The following RMND1 variants were observed in gnomAD, a reference collection of about 807,000 sequenced individuals.
RMND1 encodes the protein required for meiotic nuclear division protein 1 homolog.
A neutral mutation model predicts 54.0 loss-of-function variants in RMND1; 41 were observed. The observed-to-expected ratio is 0.76, with a 90% CI of 0.59 to 0.98. The LOEUF (loss-of-function observed/expected upper bound fraction) is 0.98. Ranked by LOEUF, RMND1 falls within the 50% of genes least tolerant of loss-of-function variation. The pLI, the probability that RMND1 is intolerant of heterozygous loss-of-function variation, is 0.00. For missense variants in RMND1, 457 were observed against 532.0 expected, an observed-to-expected ratio of 0.86 and a Z score of 1.39; for synonymous variants, 183 against 181.7, an observed-to-expected ratio of 1.01 and a Z score of -0.06.
intron 2 of RMND1, among the ~76,000 whole-genome samples, chr6:151,440,757 G>A (rs1780751577): frequency 6.6e-6 from 1 of 152,028 alleles, no homozygotes; most frequent in African/African-American, 2.4e-5. Context: ...TTTTGGTTTT[G>A]TTTTCTTTGC....
At chr6:151,436,001 A>T (rs1287451526) in intron 3 of RMND1, among the ~76,000 whole-genome samples, 1 of 151,540 alleles carries the variant, frequency 6.6e-6, no homozygotes, top group African/African-American at 2.4e-5. Flanking sequence ...GCTACTCCGG[A>T]GGCTGAGGCA....
chr6:151,412,260 C>T (rs1779866038), intron 10 of RMND1, among the ~76,000 whole-genome samples: 1 of 152,180 alleles, frequency 6.6e-6, no homozygotes, highest in African/African-American at 2.4e-5. Context: ...CCTCGGCCTC[C>T]CGAAGTGCTG....
chr6:151,433,032 A>G, intron 4 of RMND1, 123 bp downstream of exon 4: 1 of 571,228 alleles, frequency 1.8e-6, no homozygotes, highest in Non-Finnish European at 3.1e-6. Flanking sequence ...TAAATGATAA[A>G]TTTAAATCAC....
intron 6 of RMND1, among the ~76,000 whole-genome samples, chr6:151,426,179 T>A (rs762936991): frequency 5.3e-5 from 8 of 152,120 alleles, no homozygotes; most frequent in Non-Finnish European, 1.0e-4. Flanking sequence ...AACTCCTGAC[T>A]CAGTTGATCC....
intron 5 of RMND1, among the ~76,000 whole-genome samples, chr6:151,429,123 C>CTT (rs528642361): frequency 3.6e-4 from 50 of 140,036 alleles, no homozygotes; most frequent in African/African-American, 9.4e-4. Context: ...TTGTAACCCG[C>CTT]TTTTTTTTTT....
chr6:151,421,193 T>C (rs540207758), intron 9 of RMND1, 52 bp downstream of exon 9: 3 of 1,309,842 alleles, frequency 2.3e-6, no homozygotes, highest in South Asian at 2.5e-5. Flanking sequence ...GGGAATGTTT[T>C]CTTGAGATTG....
chr6:151,405,983 C>T lies in RMND1; in HGVS notation c.1201-147G>A, dbSNP rs1167116451. The stretch of plus-strand genomic sequence containing the variant: ...CAACATTATCAGTTTCTTGTGAATC[C>T]GTCCAGAGACATTTTGTAATGTACA... On this transcript the variant is annotated intron_variant, in intron 10 of 11. Transcript: ENST00000444024. The T allele has an allele frequency of 4.2e-5, 20 of 481,902 alleles. 1 individual carries two copies. In the Admixed American group the frequency reaches 6.6e-4, roughly 16 times the overall value. 29.9% of individuals were successfully genotyped at this position (481,902 alleles called of 1,614,324 possible).
intron 2 of RMND1, among the ~76,000 whole-genome samples, chr6:151,440,767 C>T (rs1780751777): frequency 6.6e-6 from 1 of 152,036 alleles, no homozygotes. Flanking sequence ...GTTTTCTTTG[C>T]TTTTTTTATT....
intron 3 of RMND1, chr6:151,436,225 A>G: frequency 2.1e-6 from 1 of 478,558 alleles, no homozygotes; most frequent in Non-Finnish European, 3.7e-6. Context: ...TAATGATCCT[A>G]TAAATAATCT....
At chr6:151,451,801 C>T (rs1477076288) in intron 1 of RMND1, among the ~76,000 whole-genome samples, 1 of 152,146 alleles carries the variant, frequency 6.6e-6, no homozygotes, top group Non-Finnish European at 1.5e-5. Flanking sequence ...TTATCGATTT[C>T]TACAGTTACC....
At chr6:151,434,252 T>A (rs1020985284) in intron 3 of RMND1, among the ~76,000 whole-genome samples, 16 of 152,168 alleles carry the variant, frequency 1.1e-4, no homozygotes, top group African/African-American at 3.9e-4. Context: ...TAATATAAAT[T>A]ACAACCAATG....
chr6:151,431,278 C>T (rs919107583), intron 4 of RMND1, among the ~76,000 whole-genome samples: 1 of 151,892 alleles, frequency 6.6e-6, no homozygotes. Context: ...GATAAAGAGG[C>T]AAGCAGGGGA....
At chr6:151,419,151 G>A (rs529907678) in intron 9 of RMND1, among the ~76,000 whole-genome samples, 11 of 150,894 alleles carry the variant, frequency 7.3e-5, no homozygotes, top group African/African-American at 2.7e-4. Flanking sequence ...TGCAACCTTC[G>A]CCTCCTGGGT....
At chr6:151,445,170 G>A in intron 2 of RMND1, 138 bp downstream of exon 2, 4 of 787,398 alleles carry the variant, frequency 5.1e-6, no homozygotes, top group Non-Finnish European at 7.8e-6. Flanking sequence ...ATATTTATTA[G>A]GCTTCAAAGA....
At chr6:151,447,158 T>A (rs998829011) in intron 1 of RMND1, among the ~76,000 whole-genome samples, 1 of 151,942 alleles carries the variant, frequency 6.6e-6, no homozygotes, top group African/African-American at 2.4e-5. Context: ...GGAGTCCTAT[T>A]CATCTCCCCA....
intron 9 of RMND1, chr6:151,418,406 C>T (rs1780065264): frequency 1.4e-5 from 2 of 143,916 alleles, no homozygotes; most frequent in African/African-American, 2.9e-5. Context: ...ATAGTGAGAC[C>T]CCATCTCAAA....
chr6:151,417,351 G>C lies in RMND1; in HGVS notation c.1128C>G (p.Tyr376Ter), dbSNP rs767503199. 2 of 1,613,006 alleles carry C rather than the reference G, an allele frequency of 1.2e-6. No individual in the cohort carries two copies. Among genetic ancestry groups the C allele is most frequent in the Admixed American group, 1.7e-5 (1 of 59,932 alleles). Residue 376 changes from tyrosine to a stop codon, truncating the protein, a stop_gained, in exon 10 of 12, where the codon TAC becomes TAG. Coordinates refer to ENST00000444024, the MANE Select transcript of RMND1 (RefSeq NM_017909.4). LOFTEE classifies it high-confidence loss of function. ...GTCCTTCCAGGTTTTCTCTGTCCCA[G>C]TAGAAATCAGGAGTAATCAGGAAGT... is the stretch of plus-strand genomic sequence containing the variant. ...SSDFLITPDF[Y>*]WDRENLEGLY...
At chr6:151,410,314 C>T (rs1779790640) in intron 10 of RMND1, among the ~76,000 whole-genome samples, 1 of 152,140 alleles carries the variant, frequency 6.6e-6, no homozygotes. Flanking sequence ...CTTGGCCTCC[C>T]AAAATGCTGG....
At chr6:151,430,343 T>C (rs1780417768) in intron 4 of RMND1, 166 bp from the exon 5 acceptor site, 2 of 512,198 alleles carry the variant, frequency 3.9e-6, no homozygotes, top group Admixed American at 3.4e-5. Context: ...CTTCCTACAA[T>C]AAGAGCTAAA....
Sources: gnomAD v4.1 joint callset for allele counts (sites outside exome capture counted in the v4.1 genomes callset) on GRCh38, gnomAD v4.1.1 for gene constraint, MANE v1.5 for transcripts, NCBI Gene and HGNC (gene_info 2026-07-23, HGNC 2026-07-21) for gene names.